Variants in NALF1 observed in about 807,000 individuals in gnomAD.
The protein encoded by NALF1 is family with sequence similarity 155 member A.
Under a neutral mutation model 48.4 loss-of-function variants are expected in NALF1, and 3 were observed. The observed-to-expected ratio is 0.06, with a 90% confidence interval of 0.03 to 0.16. The LOEUF (loss-of-function observed/expected upper bound fraction) is 0.16, where lower values mean the gene tolerates loss of function less well. Ranked by LOEUF, NALF1 falls within the 10% of genes least tolerant of loss-of-function variation. The pLI, the probability that NALF1 is intolerant of heterozygous loss-of-function variation, is 1.00. For synonymous variants in NALF1, 262 were observed against 245.7 expected (o/e 1.07, Z -0.62); for missense variants, 526 against 571.5 (o/e 0.92, Z 0.81).
intron 1 of NALF1, among the ~76,000 whole-genome samples, chr13:107,578,997 C>T (rs562842938): frequency 6.6e-6 from 1 of 152,330 alleles, no homozygotes; most frequent in Non-Finnish European, 1.5e-5. Context: ...TACTGTCACT[C>T]TGCTCCAAGC....
intron 1 of NALF1, among the ~76,000 whole-genome samples, chr13:107,791,377 A>G (rs1378846331): frequency 6.6e-6 from 1 of 152,062 alleles, no homozygotes; most frequent in Non-Finnish European, 1.5e-5. Flanking sequence ...CTAGCTATCA[A>G]TCATCTATGT....
chr13:107,398,446 A>G (rs1254224165), intron 1 of NALF1, among the ~76,000 whole-genome samples: 1 of 151,776 alleles, frequency 6.6e-6, no homozygotes, highest in Non-Finnish European at 1.5e-5. Context: ...ATGCTCAAGG[A>G]TATGTATGTG....
chr13:107,621,921 G>A (rs755185090), intron 1 of NALF1, among the ~76,000 whole-genome samples: 5 of 152,086 alleles, frequency 3.3e-5, no homozygotes, highest in Admixed American at 6.6e-5. Flanking sequence ...ACGGATAACT[G>A]GGAATGAGAT....
chr13:107,551,925 CAG>C (rs1368762266), intron 1 of NALF1, among the ~76,000 whole-genome samples: 36 of 152,206 alleles, frequency 2.4e-4, no homozygotes, highest in African/African-American at 8.7e-4. Context: ...ATAAAACAAT[CAG>C]AATCTATTTA....
chr13:107,796,125 T>C (rs572718305), intron 1 of NALF1, among the ~76,000 whole-genome samples: 85 of 152,310 alleles, frequency 5.6e-4, no homozygotes, highest in African/African-American at 1.9e-3. Context: ...AATCTTTGTG[T>C]GTGGTGATGT....
At chr13:107,250,879 C>G (rs570118338) in intron 1 of NALF1, among the ~76,000 whole-genome samples, 3 of 152,206 alleles carry the variant, frequency 2.0e-5, no homozygotes, top group East Asian at 1.9e-4. Flanking sequence ...AGCACCTCCC[C>G]CTTCACTCTC....
At chr13:107,803,570 G>A (rs1267155695) in intron 1 of NALF1, among the ~76,000 whole-genome samples, 1 of 152,042 alleles carries the variant, frequency 6.6e-6, no homozygotes, top group African/African-American at 2.4e-5. Flanking sequence ...TTTTTGTACA[G>A]AATTGTATCA....
rs61686895 is a variant in NALF1, at chr13:107,438,827, C to CAAAAAAAAAAAAAA, written c.916-228086_916-228073dup. On this transcript the variant is annotated intron_variant, in intron 1 of 2. Coordinates refer to ENST00000375915, the MANE Select transcript of NALF1 (RefSeq NM_001080396.3). ...TGGATGACAGAGTGAGACTCCATCT[C>CAAAAAAAAAAAAAA]AAAAAAAAAAAAAAAAAAAAAAAAG... Among the ~76,000 whole-genome samples, 146 of 17,918 alleles carry CAAAAAAAAAAAAAA rather than the reference C, an allele frequency of 8.1e-3. 14 individuals carry two copies. The highest frequency in any genetic ancestry group is 9.3e-3 in the Non-Finnish European group (88 of 9,506). The allele number at this position is 17,918 out of a possible 152,430, so 11.8% of individuals were successfully genotyped here.
intron 1 of NALF1, among the ~76,000 whole-genome samples, chr13:107,700,171 A>G (rs1265644307): frequency 1.3e-5 from 2 of 151,998 alleles, no homozygotes; most frequent in African/African-American, 2.4e-5. Context: ...TTTATTCAGA[A>G]CTAAAAAAAA....
chr13:107,357,366 C>T (rs529886400), intron 1 of NALF1, among the ~76,000 whole-genome samples: 1 of 152,056 alleles, frequency 6.6e-6, no homozygotes, highest in East Asian at 1.9e-4. Flanking sequence ...GGAAACTGCC[C>T]CCATGATCCG....
At chr13:107,717,367 C>A (rs74112583) in intron 1 of NALF1, among the ~76,000 whole-genome samples, 13,099 of 152,108 alleles carry the variant, frequency 0.086, 1,276 homozygotes, top group East Asian at 0.41. Context: ...GAAGTCCCAG[C>A]ACATACCCAC....
At position 107,770,270 on chromosome 13, in the gene NALF1, G is replaced by A. The variant is rs144177146; in HGVS notation, c.915+95412C>T. On this transcript the variant is annotated intron_variant, in intron 1 of 2. Coordinates refer to ENST00000375915, the MANE Select transcript of NALF1 (RefSeq NM_001080396.3). ...AACATTAGCCAAAGTTATCTAAGAC[G>A]TTCTTTTGATTACTTATGCTGTTTG... Among the ~76,000 whole-genome samples the A allele has an allele frequency of 2.5e-3, 373 of 152,164 alleles. 4 individuals are homozygous for A. Among genetic ancestry groups the A allele is most frequent in the African/African-American group, 8.4e-3 (349 of 41,520 alleles).
At chr13:107,714,152 G>T (rs1875680634) in intron 1 of NALF1, among the ~76,000 whole-genome samples, 1 of 152,166 alleles carries the variant, frequency 6.6e-6, no homozygotes, top group Admixed American at 6.5e-5. Context: ...ATCAAAGAAA[G>T]AAGCTCTTTT....
chr13:107,766,743 G>A (rs1044429337), intron 1 of NALF1, among the ~76,000 whole-genome samples: 1 of 152,096 alleles, frequency 6.6e-6, no homozygotes. Flanking sequence ...CAAATTCAAA[G>A]CAAGAAAATT....
intron 1 of NALF1, among the ~76,000 whole-genome samples, chr13:107,482,117 A>T (rs1416479061): frequency 3.9e-5 from 6 of 151,920 alleles, no homozygotes; most frequent in African/African-American, 1.5e-4. Context: ...AAAGCAGATC[A>T]CCCTCCATAA....
chr13:107,248,075 A>G (rs995728383), intron 1 of NALF1, among the ~76,000 whole-genome samples: 7 of 152,170 alleles, frequency 4.6e-5, no homozygotes, highest in African/African-American at 1.7e-4. Flanking sequence ...CCCCAAGTGC[A>G]TGATCATTAT....
rs183653868 is a variant in NALF1 at position 107,638,443 on chromosome 13, T to G, written c.915+227239A>C. Among the ~76,000 whole-genome samples, 84 of 151,960 alleles carry G rather than the reference T, an allele frequency of 5.5e-4. 1 individual carries two copies. Among genetic ancestry groups the G allele is most frequent in the Non-Finnish European group, 1.6e-4 (11 of 68,000 alleles). ...CAACAAGTATTTATTGCATGCTGAC[T>G]ATATGCTGGACACCACTCAAGGTGC... On this transcript the variant is annotated intron_variant, in intron 1 of 2. Coordinates refer to ENST00000375915, the MANE Select transcript of NALF1 (RefSeq NM_001080396.3).
intron 1 of NALF1, among the ~76,000 whole-genome samples, chr13:107,276,911 C>A (rs1316236186): frequency 6.6e-6 from 1 of 151,926 alleles, no homozygotes; most frequent in Non-Finnish European, 1.5e-5. Context: ...GATTTGTTGA[C>A]CCTAACAAGT....
At position 107,228,848 on chromosome 13, in the gene NALF1, T is replaced by C. The variant is rs144043384; in HGVS notation, c.916-18093A>G. 3.4e-3 allele frequency among the ~76,000 whole-genome samples: 514 copies of C among 152,222 alleles called. 1 individual carries two copies. The highest frequency in any genetic ancestry group is 0.012 in the African/African-American group (496 of 41,558). On this transcript the variant is annotated intron_variant, in intron 1 of 2. Transcript: ENST00000375915. Reference sequence around the variant, plus strand: ...GTTGGCCAGGCTGGTCTTGAACTCCTGATCTCAGGTAATCCACCCGCCTTG... The same window carrying C: ...GTTGGCCAGGCTGGTCTTGAACTCCCGATCTCAGGTAATCCACCCGCCTTG...
Sources: allele counts gnomAD v4.1 joint callset (sites outside exome capture counted in the v4.1 genomes callset), GRCh38; gene constraint gnomAD v4.1.1; transcripts MANE v1.5; gene names NCBI Gene and HGNC (gene_info 2026-07-23, HGNC 2026-07-21).